FBXW11: variants seen among roughly 807,000 people sequenced by gnomAD.
FBXW11 encodes F-box/WD repeat-containing protein 11.
In FBXW11, 19 loss-of-function variants were observed where a neutral mutation model predicts 77.6. That is an observed-to-expected ratio of 0.24 (90% CI 0.17 to 0.36). The LOEUF is 0.36. FBXW11 is among the 10% of genes least tolerant of loss of function. The probability of loss-of-function intolerance (pLI) is 1.00; values close to 1 mark genes in which losing one functional copy is unlikely to be tolerated. For missense variants in FBXW11, 334 were observed against 704.2 expected (o/e 0.47, Z 5.95); for synonymous variants, 235 against 249.4 (o/e 0.94, Z 0.54).
At chr5:171,898,975 C>G (rs1223946041) in intron 6 of FBXW11, 29 bp downstream of exon 6, 13 of 1,373,794 alleles carry the variant, frequency 9.5e-6, no homozygotes, top group Non-Finnish European at 1.2e-5. Context: ...AAACAAAGAG[C>G]CCATAAAACA....
intron 1 of FBXW11, among the ~76,000 whole-genome samples, chr5:171,963,107 T>C (rs1399448787): frequency 6.6e-6 from 1 of 152,110 alleles, no homozygotes; most frequent in Admixed American, 6.6e-5. Context: ...TATCTGCACA[T>C]AGTAAAGCAA....
At chr5:171,942,724 C>G (rs113005644) in intron 2 of FBXW11, among the ~76,000 whole-genome samples, 95 of 152,226 alleles carry the variant, frequency 6.2e-4, no homozygotes, top group African/African-American at 2.2e-3. Context: ...ATCACCTGAG[C>G]CCAGGAGGTT....
chr5:171,893,421 C>CAAAAAA (rs397999920), intron 6 of FBXW11, among the ~76,000 whole-genome samples: 2,545 of 39,740 alleles, frequency 0.064, 631 homozygotes, highest in East Asian at 0.13. Flanking sequence ...ACTTCAAAAC[C>CAAAAAA]AAAAAAAAAA....
At chr5:171,882,317 G>A (rs1758571861) in intron 7 of FBXW11, among the ~76,000 whole-genome samples, 2 of 152,098 alleles carry the variant, frequency 1.3e-5, no homozygotes, top group Non-Finnish European at 2.9e-5. Flanking sequence ...CGAAGGAGGA[G>A]GGAGAGAAAG....
chr5:172,000,106 ACGAG>A lies in FBXW11; in HGVS notation c.45+6348_45+6351del, dbSNP rs572375219. On this transcript the variant is annotated intron_variant, in intron 1 of 13. Coordinates refer to ENST00000517395, the MANE Select transcript of FBXW11 (RefSeq NM_001378974.1). The stretch of plus-strand genomic sequence containing the variant: ...GATCAGCAGAAACTAACCAAGGGTA[ACGAG>A]CACATTCTTAACCAACACGTTTCTT... Among the ~76,000 whole-genome samples, 334 of 152,362 alleles carry A rather than the reference ACGAG, an allele frequency of 2.2e-3. 2 individuals are homozygous for A. The highest frequency in any genetic ancestry group is 8.0e-3 in the African/African-American group (332 of 41,572).
intron 1 of FBXW11, among the ~76,000 whole-genome samples, chr5:171,964,385 C>A (rs1764073543): frequency 3.3e-5 from 5 of 152,256 alleles, no homozygotes; most frequent in Admixed American, 2.6e-4. Flanking sequence ...TGAGTGAGGA[C>A]TGGGTCTTGA....
chr5:171,996,398 G>T (rs1055600135), intron 1 of FBXW11, among the ~76,000 whole-genome samples: 3 of 152,200 alleles, frequency 2.0e-5, no homozygotes, highest in Admixed American at 6.5e-5. Flanking sequence ...TAGGCGTGGT[G>T]GCTCATGTCT....
At chr5:172,000,083 T>C (rs1246729781) in intron 1 of FBXW11, among the ~76,000 whole-genome samples, 1 of 152,208 alleles carries the variant, frequency 6.6e-6, no homozygotes, top group East Asian at 1.9e-4. Flanking sequence ...GCAATTGCGA[T>C]CAGCAGAAAC....
intron 6 of FBXW11, among the ~76,000 whole-genome samples, chr5:171,893,562 T>C (rs1265964392): frequency 6.6e-6 from 1 of 151,536 alleles, no homozygotes; most frequent in Non-Finnish European, 1.5e-5. Context: ...ACTCAACGCA[T>C]GGAATCATTT....
rs189738554 is a variant in FBXW11, at chr5:171,916,128, T to C, written c.148-1723A>G. Reference sequence around the variant, plus strand: ...GGTGGGGGGATAGCATTAGGAGATATACCTAATGTAAATGACGAGTTAATG... The same window carrying C: ...GGTGGGGGGATAGCATTAGGAGATACACCTAATGTAAATGACGAGTTAATG... On this transcript the variant is annotated intron_variant, in intron 2 of 13. Coordinates refer to ENST00000517395, the MANE Select transcript of FBXW11 (RefSeq NM_001378974.1). 2.2e-4 allele frequency among the ~76,000 whole-genome samples: 33 copies of C among 151,310 alleles called. No individual in the cohort carries two copies. The East Asian group carries it at 2.7e-3, about 12-fold the overall frequency.
intron 1 of FBXW11, among the ~76,000 whole-genome samples, chr5:171,993,414 C>T (rs1399348430): frequency 6.6e-6 from 1 of 151,948 alleles, no homozygotes; most frequent in Admixed American, 6.6e-5. Flanking sequence ...GAGATCGAGA[C>T]CATCCTGGCC....
intron 2 of FBXW11, among the ~76,000 whole-genome samples, chr5:171,928,909 C>T (rs1387215260): frequency 6.7e-6 from 1 of 150,286 alleles, no homozygotes; most frequent in Admixed American, 6.6e-5. Context: ...CCCGTCTCTA[C>T]TAAAAATACA....
At chr5:171,907,711 C>T (rs910043231) in intron 4 of FBXW11, among the ~76,000 whole-genome samples, 2 of 152,230 alleles carry the variant, frequency 1.3e-5, no homozygotes, top group African/African-American at 4.8e-5. Flanking sequence ...TTCAATACCA[C>T]AAAATTCCAC....
chr5:171,982,107 T>C (rs1170870203), intron 1 of FBXW11, among the ~76,000 whole-genome samples: 1 of 152,148 alleles, frequency 6.6e-6, no homozygotes, highest in Non-Finnish European at 1.5e-5. Flanking sequence ...TATGTGAGTA[T>C]ATATATTTCT....
intron 9 of FBXW11, among the ~76,000 whole-genome samples, chr5:171,875,195 A>C (rs1757997021): frequency 6.6e-6 from 1 of 151,914 alleles, no homozygotes; most frequent in East Asian, 1.9e-4. Context: ...GGACTGCTTG[A>C]GCACAGGAGT....
intron 2 of FBXW11, among the ~76,000 whole-genome samples, chr5:171,933,852 TA>T (rs373008261): frequency 3.2e-4 from 48 of 148,960 alleles, no homozygotes; most frequent in African/African-American, 1.1e-3. Flanking sequence ...TTCATCTATT[TA>T]AAAAAAAAAC....
In FBXW11 at chr5:171,878,040, A is replaced by G; in HGVS notation, c.942T>C (p.Ile314=). The G allele has an allele frequency of 6.2e-7, 1 of 1,613,882 alleles. No individual in the cohort carries two copies. The highest frequency in any genetic ancestry group is 8.5e-7 in the Non-Finnish European group (1 of 1,179,776). The change falls in exon 8 of 14, where the codon ATT becomes ATC. Residue 314 remains isoleucine (I), a synonymous_variant. Coordinates refer to ENST00000517395, the MANE Select transcript of FBXW11 (RefSeq NM_001378974.1). ...CCGTAGAATCTGAAGAGCCAGTTAC[A>G]ATGACACGCTCATCATACTGCAGAC... ...VLCLQYDERV[I]VTGSSDSTVR...
At chr5:171,963,846 TA>T (rs1298969421) in intron 1 of FBXW11, among the ~76,000 whole-genome samples, 1 of 152,188 alleles carries the variant, frequency 6.6e-6, no homozygotes, top group East Asian at 1.9e-4. Flanking sequence ...TGCTCAACAG[TA>T]ACCCAATGAC....
At chr5:171,883,395 G>A (rs560877576) in intron 7 of FBXW11, among the ~76,000 whole-genome samples, 2 of 152,304 alleles carry the variant, frequency 1.3e-5, no homozygotes, top group African/African-American at 4.8e-5. Flanking sequence ...GGGGAGGCGG[G>A]AGGGATAGCA....
Sources: gnomAD v4.1 joint callset for allele counts (sites outside exome capture counted in the v4.1 genomes callset) on GRCh38, gnomAD v4.1.1 for gene constraint, MANE v1.5 for transcripts, NCBI Gene and HGNC (gene_info 2026-07-23, HGNC 2026-07-21) for gene names.